The following RANBP2 variants were observed in gnomAD, a reference collection of about 807,000 sequenced individuals.
RANBP2 encodes the protein RAN binding protein 2, also known as E3 SUMO-protein ligase RanBP2.
A neutral mutation model predicts 303.6 loss-of-function variants in RANBP2; 57 were observed. The observed-to-expected ratio is 0.19, with a 90% CI of 0.15 to 0.23. The LOEUF is 0.23. Ranked by LOEUF, RANBP2 falls within the 10% of genes least tolerant of loss-of-function variation. The pLI is 1.00. For synonymous variants in RANBP2, 1,167 were observed against 1,301.5 expected, an observed-to-expected ratio of 0.90 and a Z score of 2.23; for missense variants, 3,138 against 3,780.8, an observed-to-expected ratio of 0.83 and a Z score of 4.46.
chr2:108,753,411 A>G lies in RANBP2; in HGVS notation c.1918-15A>G. ...AGTATAAACAATTTGACTAAAAACTATTCTGTGTGTTTAGGCATCAGAAAT... is the reference window on the plus strand; with the variant it reads ...AGTATAAACAATTTGACTAAAAACTGTTCTGTGTGTTTAGGCATCAGAAAT... On this transcript the variant is annotated splice_polypyrimidine_tract_variant and intron_variant, in intron 13 of 28. Coordinates refer to ENST00000283195, the MANE Select transcript of RANBP2 (RefSeq NM_006267.5). The G allele has an allele frequency of 6.2e-7, 1 of 1,611,634 alleles. No homozygotes were observed. Among genetic ancestry groups the G allele is most frequent in the Non-Finnish European group, 8.5e-7 (1 of 1,179,698 alleles).
the RANBP2 span, among the ~76,000 whole-genome samples, chr2:109,133,666 C>T: frequency 6.6e-6 from 1 of 151,584 alleles, no homozygotes; most frequent in Non-Finnish European, 1.5e-5. Context: ...CTGATTTGAC[C>T]ATTTTGTTAG....
the RANBP2 span, among the ~76,000 whole-genome samples, chr2:109,268,094 G>A: frequency 3.3e-5 from 5 of 151,918 alleles, no homozygotes; most frequent in African/African-American, 9.7e-5. Flanking sequence ...CAGAGAAGGG[G>A]CCGATGGGGA....
chr2:109,270,085 G>T, the RANBP2 span, among the ~76,000 whole-genome samples: 6 of 152,220 alleles, frequency 3.9e-5, no homozygotes, highest in Non-Finnish European at 7.3e-5. Flanking sequence ...CTGCCGTGGG[G>T]CAGGGGCACC....
the RANBP2 span, among the ~76,000 whole-genome samples, chr2:109,323,255 T>C: frequency 1.3e-4 from 20 of 151,852 alleles, no homozygotes; most frequent in Middle Eastern, 3.4e-3. Flanking sequence ...GGGCTGGGAG[T>C]CATTGGGTGT....
the RANBP2 span, among the ~76,000 whole-genome samples, chr2:109,456,249 T>A: frequency 6.6e-6 from 1 of 152,142 alleles, no homozygotes; most frequent in Non-Finnish European, 1.5e-5. Flanking sequence ...GGTCGCAGAG[T>A]CAGCCCCGTG....
chr2:109,639,855 C>T, the RANBP2 span, among the ~76,000 whole-genome samples: 2 of 151,112 alleles, frequency 1.3e-5, no homozygotes, highest in Non-Finnish European at 2.9e-5. Flanking sequence ...CGATTACAGG[C>T]GCATGCCACC....
the RANBP2 span, among the ~76,000 whole-genome samples, chr2:109,619,644 T>C: frequency 6.6e-6 from 1 of 152,238 alleles, no homozygotes. Context: ...TTTTTCAGGA[T>C]CACTGAAAGA....
chr2:109,347,656 GCTGT>G, the RANBP2 span: 2 of 1,611,156 alleles, frequency 1.2e-6, no homozygotes, highest in Non-Finnish European at 1.7e-6. Flanking sequence ...GTGACCACAT[GCTGT>G]CTGTTGCTTG....
intron 14 of RANBP2, 112 bp from the exon 15 acceptor site, chr2:108,753,713 T>G (rs1311995126): frequency 1.1e-5 from 17 of 1,584,738 alleles, no homozygotes; most frequent in Middle Eastern, 2.3e-4. Context: ...GCGATTCTTG[T>G]GCCTCAGCTC....
At chr2:109,614,784 G>C in the RANBP2 span, 2 of 1,476,980 alleles carry the variant, frequency 1.4e-6, no homozygotes, top group South Asian at 2.6e-5. Context: ...GCGAATCCAG[G>C]TGACCGCCGA....
At chr2:108,965,464 C>A in the RANBP2 span, among the ~76,000 whole-genome samples, 308 of 137,262 alleles carry the variant, frequency 2.2e-3, no homozygotes, top group Middle Eastern at 8.1e-3. Flanking sequence ...GATTTCGTCT[C>A]AAAAAAAAAA....
At chr2:109,463,671 G>A in the RANBP2 span, among the ~76,000 whole-genome samples, 1 of 152,242 alleles carries the variant, frequency 6.6e-6, no homozygotes, top group Non-Finnish European at 1.5e-5. Context: ...CAAAAGAGGA[G>A]ATGTTCATGT....
chr2:108,811,245 C>CTTTTTTTTTTTTTTTT, the RANBP2 span, among the ~76,000 whole-genome samples: 10 of 109,628 alleles, frequency 9.1e-5, 3 homozygotes, highest in African/African-American at 2.1e-4. Context: ...CTTTCTCTCT[C>CTTTTTTTTTTTTTTTT]TCTTTTTTTT....
chr2:109,017,759 A>G, the RANBP2 span, among the ~76,000 whole-genome samples: 3 of 152,284 alleles, frequency 2.0e-5, no homozygotes, highest in South Asian at 4.2e-4. Context: ...ATAACAGCAT[A>G]TTAATGATGC....
the RANBP2 span, among the ~76,000 whole-genome samples, chr2:109,484,170 G>C: frequency 6.6e-6 from 1 of 151,200 alleles, no homozygotes; most frequent in Non-Finnish European, 1.5e-5. Flanking sequence ...GGGTTCAAGC[G>C]ATTCTCCTGC....
the RANBP2 span, among the ~76,000 whole-genome samples, chr2:108,890,232 C>CTTTTTTTTTTTTTTTTTTTTTT: frequency 8.7e-6 from 1 of 114,698 alleles, no homozygotes; most frequent in African/African-American, 3.5e-5. Flanking sequence ...ATGGGGTTTT[C>CTTTTTTTTTTTTTTTTTTTTTT]TTTTTTTTTT....
At chr2:109,503,443 C>T in the RANBP2 span, 2 of 152,010 alleles carry the variant, frequency 1.3e-5, no homozygotes, top group Admixed American at 1.3e-4. Flanking sequence ...CATGCCTTTC[C>T]CTCCCCCAAG....
At chr2:109,722,048 A>ATG in the RANBP2 span, among the ~76,000 whole-genome samples, 4 of 152,176 alleles carry the variant, frequency 2.6e-5, no homozygotes, top group African/African-American at 4.8e-5. Context: ...TTAGTGAGGC[A>ATG]TGTGTGTGTG....
the RANBP2 span, among the ~76,000 whole-genome samples, chr2:109,477,846 G>A: frequency 6.6e-6 from 1 of 152,248 alleles, no homozygotes; most frequent in African/African-American, 2.4e-5. Flanking sequence ...ACCTCCTAAG[G>A]CTATCACACT....
Sources: allele counts gnomAD v4.1 joint callset (sites outside exome capture counted in the v4.1 genomes callset), GRCh38; gene constraint gnomAD v4.1.1; transcripts MANE v1.5; gene names NCBI Gene and HGNC (gene_info 2026-07-23, HGNC 2026-07-21).